S100Z: variants seen among roughly 807,000 people sequenced by gnomAD.
The protein encoded by S100Z is S100 calcium binding protein Z.
S100Z carries 11 observed loss-of-function variants against 8.5 expected under a neutral mutation model. That is an observed-to-expected ratio of 1.30 (90% CI 0.82 to 2.15). The LOEUF is 2.15. Among genes scored for constraint, S100Z ranks in the 30% most tolerant of loss-of-function variants. The pLI is 0.00. For synonymous variants in S100Z, 34 were observed against 43.8 expected, an observed-to-expected ratio of 0.78 and a Z score of 0.89; for missense variants, 126 against 117.9, an observed-to-expected ratio of 1.07 and a Z score of -0.32.
intron 4 of S100Z, among the ~76,000 whole-genome samples, chr5:76,894,564 C>T (rs529496409): frequency 1.4e-3 from 206 of 152,106 alleles, no homozygotes; most frequent in African/African-American, 4.9e-3. Context: ...AAGGTGTTTA[C>T]CACAGATGGT....
At chr5:76,876,873 C>T (rs1485491806) in intron 3 of S100Z, among the ~76,000 whole-genome samples, 4 of 152,144 alleles carry the variant, frequency 2.6e-5, no homozygotes, top group African/African-American at 9.7e-5. Context: ...CTTTTGGAAA[C>T]ACTCCTCATC....
Position 76,870,949 on chromosome 5 carries a change from C to A in S100Z, c.-57+665C>A, listed in dbSNP as rs1184090478. On this transcript the variant is annotated intron_variant, in intron 2 of 4. Transcript: ENST00000317593. Reference sequence around the variant, plus strand: ...CCAGCGTGGGCAACATAGCAAGACTCCATTTCTACAAAGAAAAAAATAAAA... The same window carrying A: ...CCAGCGTGGGCAACATAGCAAGACTACATTTCTACAAAGAAAAAAATAAAA... Among the ~76,000 whole-genome samples the A allele has an allele frequency of 2.0e-5, 3 of 152,190 alleles. No individual in the cohort carries two copies. In the East Asian group the frequency reaches 5.8e-4, roughly 29 times the overall value.
chr5:76,914,977 C>T (rs1744803987), intron 4 of S100Z, among the ~76,000 whole-genome samples: 1 of 152,316 alleles, frequency 6.6e-6, no homozygotes, highest in South Asian at 2.1e-4. Context: ...TTCTTGAAGT[C>T]AGCAAGACCA....
At chr5:76,863,284 A>C (rs1751119537) in intron 1 of S100Z, among the ~76,000 whole-genome samples, 1 of 152,216 alleles carries the variant, frequency 6.6e-6, no homozygotes, top group South Asian at 2.1e-4. Flanking sequence ...TAAAACATGC[A>C]CACCAGTGTG....
intron 4 of S100Z, among the ~76,000 whole-genome samples, chr5:76,901,045 A>G (rs565325875): frequency 6.6e-6 from 1 of 150,644 alleles, no homozygotes; most frequent in Non-Finnish European, 1.5e-5. Flanking sequence ...CAGAGACTCT[A>G]GTTCTCGTCC....
intron 1 of S100Z, among the ~76,000 whole-genome samples, chr5:76,857,290 C>CA (rs369981988): frequency 7.3e-5 from 11 of 150,546 alleles, no homozygotes; most frequent in South Asian, 2.1e-4. Flanking sequence ...GACTCCATCT[C>CA]AAAAAAAAGA....
the S100Z span, among the ~76,000 whole-genome samples, chr5:76,936,629 A>ACACG: frequency 7.3e-6 from 1 of 136,444 alleles, no homozygotes; most frequent in African/African-American, 2.7e-5. Context: ...ACACACACAC[A>ACACG]CACACACACA....
intron 4 of S100Z, among the ~76,000 whole-genome samples, chr5:76,910,544 A>T (rs548731564): frequency 2.6e-5 from 4 of 152,302 alleles, no homozygotes; most frequent in East Asian, 3.9e-4. Flanking sequence ...AGGACATTTT[A>T]AAAAAGATTG....
the S100Z span, among the ~76,000 whole-genome samples, chr5:76,944,264 T>A: frequency 6.6e-6 from 1 of 152,136 alleles, no homozygotes; most frequent in East Asian, 1.9e-4. Flanking sequence ...TGGTGACGAA[T>A]CCCTAGTTTG....
At chr5:76,915,533 G>A (rs554545133) in intron 4 of S100Z, among the ~76,000 whole-genome samples, 11 of 151,632 alleles carry the variant, frequency 7.3e-5, no homozygotes, top group South Asian at 2.1e-4. Context: ...GCGTGAACCC[G>A]GGAGGTGGAG....
chr5:76,853,589 A>C (rs1412227178), intron 1 of S100Z, among the ~76,000 whole-genome samples: 1 of 152,102 alleles, frequency 6.6e-6, no homozygotes, highest in Non-Finnish European at 1.5e-5. Context: ...TGAGGTCAGG[A>C]GTTCAAGATC....
chr5:76,901,502 C>T (rs1450603516), intron 4 of S100Z, among the ~76,000 whole-genome samples: 1 of 152,244 alleles, frequency 6.6e-6, no homozygotes, highest in Non-Finnish European at 1.5e-5. Context: ...CTCATAGCCA[C>T]CCCGACCCCA....
chr5:76,925,326 C>T (rs1745120898), downstream of S100Z, among the ~76,000 whole-genome samples: 1 of 152,114 alleles, frequency 6.6e-6, no homozygotes, highest in Non-Finnish European at 1.5e-5. Flanking sequence ...GGCAGGGATG[C>T]TTGGGGACCA....
At chr5:76,928,896 T>G in the S100Z span, among the ~76,000 whole-genome samples, 1 of 152,210 alleles carries the variant, frequency 6.6e-6, no homozygotes, top group Non-Finnish European at 1.5e-5. Context: ...TGTGCCACCA[T>G]GCCCAGCTAA....
chr5:76,911,489 G>A (rs1205819988), intron 4 of S100Z, among the ~76,000 whole-genome samples: 1 of 152,142 alleles, frequency 6.6e-6, no homozygotes, highest in Non-Finnish European at 1.5e-5. Flanking sequence ...TGCCTTTGAG[G>A]ATCCCACAGA....
Position 76,873,175 on chromosome 5 carries a change from CT to C in S100Z, c.-56-2128del, listed in dbSNP as rs368530143. ...GTTCATGCTTTTAGCCACCATGATACTGCCTCCCACACAGGAAAAATTTACA... is the reference window on the plus strand; with the variant it reads ...GTTCATGCTTTTAGCCACCATGATACGCCTCCCACACAGGAAAAATTTACA... On this transcript the variant is annotated intron_variant, in intron 2 of 4. Coordinates refer to ENST00000317593, the MANE Select transcript of S100Z (RefSeq NM_130772.4). Among the ~76,000 whole-genome samples, 123 of 152,234 alleles carry C rather than the reference CT, an allele frequency of 8.1e-4. 1 individual carries two copies. In the South Asian group the frequency reaches 0.024, roughly 30 times the overall value.
the S100Z span, among the ~76,000 whole-genome samples, chr5:76,938,757 T>C: frequency 6.6e-6 from 1 of 152,212 alleles, no homozygotes; most frequent in Non-Finnish European, 1.5e-5. Context: ...TTTTTATGTA[T>C]GGTGTGAAGT....
At chr5:76,925,258 G>A (rs1040081996), downstream of S100Z, among the ~76,000 whole-genome samples, 20 of 152,134 alleles carry the variant, frequency 1.3e-4, no homozygotes, top group African/African-American at 4.3e-4. Flanking sequence ...TCTATTGGTC[G>A]TACACACTAA....
chr5:76,879,745 G>A (rs751078383), intron 4 of S100Z, among the ~76,000 whole-genome samples: 21 of 152,316 alleles, frequency 1.4e-4, no homozygotes, highest in Admixed American at 1.0e-3. Flanking sequence ...TGATACAAAA[G>A]AGGCATGGCC....
Sources: gnomAD v4.1 joint callset for allele counts (sites outside exome capture counted in the v4.1 genomes callset) on GRCh38, gnomAD v4.1.1 for gene constraint, MANE v1.5 for transcripts, NCBI Gene and HGNC (gene_info 2026-07-23, HGNC 2026-07-21) for gene names.